The following AMBRA1 variants were observed in gnomAD, a reference collection of about 807,000 sequenced individuals.
The protein encoded by AMBRA1 is autophagy and beclin 1 regulator 1.
Under a neutral mutation model 125.4 loss-of-function variants are expected in AMBRA1, and 47 were observed. The ratio of observed to expected loss-of-function variants is 0.37; its 90% CI spans 0.30 to 0.48. AMBRA1 has a LOEUF of 0.48. Among genes scored for constraint, AMBRA1 ranks in the 20% least tolerant of loss-of-function variants. The pLI is 0.99. For synonymous variants in AMBRA1, 626 were observed against 655.5 expected (o/e 0.95, Z 0.69); for missense variants, 1,331 against 1,693.4 (o/e 0.79, Z 3.76).
chr11:46,450,954 G>C (rs532110145), intron 11 of AMBRA1, among the ~76,000 whole-genome samples: 87 of 152,312 alleles, frequency 5.7e-4, no homozygotes, highest in African/African-American at 2.0e-3. Context: ...AAGCCTGTGG[G>C]TGTAAGGGGA....
intron 11 of AMBRA1, among the ~76,000 whole-genome samples, chr11:46,463,217 G>A (rs1033304771): frequency 6.6e-6 from 1 of 152,128 alleles, no homozygotes. Flanking sequence ...CTCCACTTGA[G>A]GATGAGTTTA....
intron 1 of AMBRA1, among the ~76,000 whole-genome samples, chr11:46,578,485 T>TAAA: frequency 7.2e-6 from 1 of 138,086 alleles, no homozygotes; most frequent in Non-Finnish European, 1.6e-5. Flanking sequence ...AGACTCCATC[T>TAAA]AAAAAAAAAA....
chr11:46,562,834 CTT>C (rs200903618), intron 1 of AMBRA1, among the ~76,000 whole-genome samples: 2,621 of 148,892 alleles, frequency 0.018, 38 homozygotes, highest in Non-Finnish European at 0.03. Flanking sequence ...GAGTTTCACT[CTT>C]GTTGCCCACG....
chr11:46,434,888 G>A lies in AMBRA1; in HGVS notation c.2782C>T (p.Pro928Ser). The A allele has an allele frequency of 6.2e-7, 1 of 1,613,358 alleles. No individual in the cohort carries two copies. Residue 928 changes from proline (P) to serine (S), a missense_variant, in exon 13 of 18, where the codon CCC (proline) becomes TCC (serine). Pro to Ser is a moderately conservative substitution (Grantham distance 74). Coordinates refer to ENST00000683756, the MANE Select transcript of AMBRA1 (RefSeq NM_001387011.1). ...EGILAVYSLA[P>S]HNLGEMLYTK... ...TAGAGCATTTCGCCCAGGTTATGGGGGGCCAGGGAGTACACTGCCAGGATG... is the reference window on the plus strand; with the variant it reads ...TAGAGCATTTCGCCCAGGTTATGGGAGGCCAGGGAGTACACTGCCAGGATG...
intron 11 of AMBRA1, among the ~76,000 whole-genome samples, chr11:46,476,267 A>C (rs1949808043): frequency 6.6e-6 from 1 of 152,206 alleles, no homozygotes; most frequent in Non-Finnish European, 1.5e-5. Context: ...GCAGCTCAAG[A>C]AATTCTATAA....
At chr11:46,404,118 G>A (rs887893096) in intron 17 of AMBRA1, among the ~76,000 whole-genome samples, 4 of 152,242 alleles carry the variant, frequency 2.6e-5, no homozygotes, top group Non-Finnish European at 5.9e-5. Flanking sequence ...GAGCCCAGGA[G>A]GTCGAGGCTG....
chr11:46,577,708 T>C (rs1024004856), intron 1 of AMBRA1, among the ~76,000 whole-genome samples: 1 of 151,990 alleles, frequency 6.6e-6, no homozygotes, highest in African/African-American at 2.4e-5. Flanking sequence ...GCCAGCACTT[T>C]GGGAGGCCGA....
At position 46,418,040 on chromosome 11, in the gene AMBRA1, C is replaced by A; in HGVS notation, c.2989G>T (p.Val997Phe). The change falls in exon 15 of 18, where the codon GTC becomes TTC. Residue 997 changes from valine (V) to phenylalanine (F), a missense_variant. Val to Phe is a conservative substitution (Grantham distance 50, BLOSUM62 -1). This residue lies in a region of AMBRA1 where 354 missense variants were observed against 532.7 expected (regional missense o/e 0.66). Coordinates refer to ENST00000683756, the MANE Select transcript of AMBRA1 (RefSeq NM_001387011.1). Reference sequence around the variant, plus strand: ...TGGTCGGCAGGCATGGGATAAAGGACGTTGAAAACTCTCTAGGTAGAGGAA... The same window carrying A: ...TGGTCGGCAGGCATGGGATAAAGGAAGTTGAAAACTCTCTAGGTAGAGGAA... ...GETSMRRVFN[V>F]LYPMPADQRR... is the part of the protein sequence containing the mutation. 1.9e-6 allele frequency: 3 copies of A among 1,587,582 alleles called. No homozygotes were observed. The highest frequency in any genetic ancestry group is 1.7e-6 in the Non-Finnish European group (2 of 1,163,088).
intron 1 of AMBRA1, among the ~76,000 whole-genome samples, chr11:46,585,685 AAAAAAAAAAAATATATATATATATAT>A (rs1423836394): frequency 1.5e-4 from 5 of 32,316 alleles, no homozygotes; most frequent in Non-Finnish European, 3.5e-4. Context: ...AAAAAAAAAA[AAAAAAAAAAAATATATATATATATAT>A]ATATATATAT....
At chr11:46,512,591 C>T in intron 8 of AMBRA1, 136 bp downstream of exon 8, 1 of 618,640 alleles carries the variant, frequency 1.6e-6, no homozygotes. Context: ...TCACCTGAAC[C>T]ACCTGTCTCA....
At chr11:46,570,474 A>T (rs2043717944) in intron 1 of AMBRA1, among the ~76,000 whole-genome samples, 2 of 152,052 alleles carry the variant, frequency 1.3e-5, no homozygotes. Context: ...AGAAATGTGA[A>T]GTATATTGCT....
In AMBRA1 at chr11:46,552,368, C is replaced by CAA. The variant is rs56090695; in HGVS notation, c.-120-3870_-120-3869dup. Among the ~76,000 whole-genome samples, 54 of 11,994 alleles carry CAA rather than the reference C, an allele frequency of 4.5e-3. 20 individuals carry two copies. Among genetic ancestry groups the CAA allele is most frequent in the Non-Finnish European group, 6.3e-3 (37 of 5,876 alleles). The allele number at this position is 11,994 out of a possible 152,430, so 7.9% of individuals were successfully genotyped here. A position where few individuals can be genotyped will look rare whatever the true frequency, so the allele number is the denominator to read the frequency against. On this transcript the variant is annotated intron_variant, in intron 1 of 17. Coordinates refer to ENST00000683756, the MANE Select transcript of AMBRA1 (RefSeq NM_001387011.1). Reference sequence around the variant, plus strand: ...TGAGTGACAGAGTGAGACTCCATCTCAAAAAAAAAAAAAAAAAAAAAAAAA... The same window carrying CAA: ...TGAGTGACAGAGTGAGACTCCATCTCAAAAAAAAAAAAAAAAAAAAAAAAAAA...
chr11:46,577,863 T>A (rs547649517), intron 1 of AMBRA1, among the ~76,000 whole-genome samples: 1 of 152,040 alleles, frequency 6.6e-6, no homozygotes, highest in East Asian at 1.9e-4. Context: ...GGCAGGAGAA[T>A]CACTTGAACC....
chr11:46,511,380 A>G (rs1951251451), intron 8 of AMBRA1, among the ~76,000 whole-genome samples: 1 of 152,184 alleles, frequency 6.6e-6, no homozygotes, highest in Non-Finnish European at 1.5e-5. Context: ...TGTCATTTCT[A>G]GGGTGTGGAA....
In AMBRA1 at chr11:46,543,224, A is replaced by T. The variant is rs1481875112; in HGVS notation, c.793T>A (p.Ser265Thr). 2 of 1,611,596 alleles carry T rather than the reference A, an allele frequency of 1.2e-6. No homozygotes were observed. The highest frequency in any genetic ancestry group is 4.5e-5 in the East Asian group (2 of 44,832). ...GGCGGTGGGGGTGAGGGGGTAGCAGAATCTTGCACTGTGCTTTGCTCTCCC... is the reference window on the plus strand; with the variant it reads ...GGCGGTGGGGGTGAGGGGGTAGCAGTATCTTGCACTGTGCTTTGCTCTCCC... ...QVGEQSTVQD[S>T]ATPSPPPPPP... Residue 265 changes from serine (S) to threonine (T), a missense_variant, in exon 7 of 18, where the codon TCT becomes ACT. By Grantham distance (58) the Ser-to-Thr change is moderately conservative (BLOSUM62 1). Transcript: ENST00000683756.
At chr11:46,568,596 C>T (rs1243526677) in intron 1 of AMBRA1, among the ~76,000 whole-genome samples, 2 of 151,638 alleles carry the variant, frequency 1.3e-5, no homozygotes, top group Non-Finnish European at 2.9e-5. Flanking sequence ...AACAGAGACA[C>T]CCCATCTCTA....
intron 11 of AMBRA1, among the ~76,000 whole-genome samples, chr11:46,483,813 G>T (rs949703380): frequency 2.6e-5 from 4 of 152,086 alleles, no homozygotes; most frequent in African/African-American, 9.7e-5. Context: ...CAGGAGAATT[G>T]CTTGAATCTG....
At chr11:46,518,763 A>C (rs934221676) in intron 7 of AMBRA1, among the ~76,000 whole-genome samples, 3 of 152,214 alleles carry the variant, frequency 2.0e-5, no homozygotes, top group South Asian at 2.1e-4. Context: ...TGGAAAAAAA[A>C]CATCAAAAAT....
At chr11:46,589,629 T>C (rs987070437) in intron 1 of AMBRA1, among the ~76,000 whole-genome samples, 1 of 152,030 alleles carries the variant, frequency 6.6e-6, no homozygotes, top group Non-Finnish European at 1.5e-5. Context: ...TTGCCAACTT[T>C]TTTTTTTTGA....
Sources: allele counts gnomAD v4.1 joint callset (sites outside exome capture counted in the v4.1 genomes callset), GRCh38; gene constraint gnomAD v4.1.1; regional missense constraint gnomAD v4.1.1; transcripts MANE v1.5; gene names NCBI Gene and HGNC (gene_info 2026-07-23, HGNC 2026-07-21).